The following RGS7 variants were observed in gnomAD, a reference collection of about 807,000 sequenced individuals.
The protein encoded by RGS7 is regulator of G-protein signaling 7.
A neutral mutation model predicts 81.1 loss-of-function variants in RGS7; 27 were observed. The observed-to-expected ratio is 0.33, with a 90% confidence interval of 0.25 to 0.46. The LOEUF (loss-of-function observed/expected upper bound fraction) is 0.46, where lower values mean the gene tolerates loss of function less well. Ranked by LOEUF, RGS7 falls within the 20% of genes least tolerant of loss-of-function variation. The pLI, the probability that RGS7 is intolerant of heterozygous loss-of-function variation, is 1.00. For synonymous variants in RGS7, 208 were observed against 207.7 expected (o/e 1.00, Z -0.01); for missense variants, 396 against 607.4 (o/e 0.65, Z 3.66).
chr1:241,241,183 C>A (rs1316004846), intron 2 of RGS7, among the ~76,000 whole-genome samples: 3 of 151,790 alleles, frequency 2.0e-5, no homozygotes, highest in African/African-American at 2.4e-5. Flanking sequence ...ATTTACCCAA[C>A]AGGAGCAGAA....
intron 2 of RGS7, among the ~76,000 whole-genome samples, chr1:241,196,991 T>TAAAAAAAAA (rs34557484): frequency 1.5e-5 from 2 of 132,592 alleles, no homozygotes; most frequent in Non-Finnish European, 3.2e-5. Context: ...CAAAAGAATG[T>TAAAAAAAAA]AAAAAAAAAA....
intron 2 of RGS7, among the ~76,000 whole-genome samples, chr1:241,125,427 GACACAC>G (rs59757330): frequency 0.02 from 2,927 of 149,300 alleles, 93 homozygotes; most frequent in African/African-American, 0.068. Flanking sequence ...CAAAGACATG[GACACAC>G]ACACACACAC....
At chr1:241,190,776 T>G (rs1180748366) in intron 2 of RGS7, among the ~76,000 whole-genome samples, 2 of 152,278 alleles carry the variant, frequency 1.3e-5, no homozygotes, top group East Asian at 3.9e-4. Context: ...GACTGTTTTT[T>G]TTCCTTCCTG....
At chr1:241,216,932 T>C (rs1166747650) in intron 2 of RGS7, among the ~76,000 whole-genome samples, 2 of 152,248 alleles carry the variant, frequency 1.3e-5, no homozygotes, top group Non-Finnish European at 2.9e-5. Flanking sequence ...CTCTGATAGC[T>C]ATCCCTGATT....
chr1:240,846,919 A>G (rs559949878), intron 9 of RGS7, among the ~76,000 whole-genome samples: 63 of 152,280 alleles, frequency 4.1e-4, no homozygotes, highest in African/African-American at 1.3e-3. Context: ...AGATGACCAT[A>G]GCCTTGGCCA....
intron 2 of RGS7, among the ~76,000 whole-genome samples, chr1:241,253,823 T>C (rs1411378699): frequency 6.6e-6 from 1 of 152,248 alleles, no homozygotes; most frequent in Admixed American, 6.5e-5. Context: ...TCTTCTTATT[T>C]CTGTCAAAGA....
chr1:241,295,582 G>A (rs538654874), intron 2 of RGS7, among the ~76,000 whole-genome samples: 11 of 152,162 alleles, frequency 7.2e-5, no homozygotes, highest in Non-Finnish European at 1.3e-4. Context: ...CACAGGCCAC[G>A]TCCTAAAGGC....
intron 7 of RGS7, among the ~76,000 whole-genome samples, chr1:240,869,486 G>C (rs768376992): frequency 7.2e-5 from 11 of 152,204 alleles, no homozygotes; most frequent in Non-Finnish European, 1.5e-4. Context: ...CATTTCGACA[G>C]TTAAGTCGAT....
chr1:241,191,045 G>T (rs913674644), intron 2 of RGS7, among the ~76,000 whole-genome samples: 8 of 151,678 alleles, frequency 5.3e-5, no homozygotes, highest in Non-Finnish European at 1.2e-4. Flanking sequence ...GCAGTGGTGC[G>T]ATCTTGGCTC....
At chr1:241,318,276 A>G (rs955546121) in intron 2 of RGS7, among the ~76,000 whole-genome samples, 2 of 152,342 alleles carry the variant, frequency 1.3e-5, no homozygotes, top group African/African-American at 4.8e-5. Context: ...ATAGACATCT[A>G]TAATATTTCA....
chr1:241,040,018 G>A (rs1019797625), intron 3 of RGS7, among the ~76,000 whole-genome samples: 2 of 152,130 alleles, frequency 1.3e-5, no homozygotes, highest in African/African-American at 2.4e-5. Context: ...AGTGCCCAAC[G>A]GCTGAATTTC....
intron 6 of RGS7, among the ~76,000 whole-genome samples, chr1:240,891,856 A>C (rs927999327): frequency 2.6e-5 from 4 of 152,240 alleles, no homozygotes; most frequent in African/African-American, 9.6e-5. Context: ...GTGTGAGTTA[A>C]AAGAACCACA....
intron 4 of RGS7, among the ~76,000 whole-genome samples, chr1:240,944,307 T>C (rs1164815518): frequency 7.7e-6 from 1 of 130,352 alleles, no homozygotes; most frequent in Non-Finnish European, 1.6e-5. Flanking sequence ...TATATATATA[T>C]ATATATATAT....
chr1:240,825,583 G>T (rs1319935019), intron 10 of RGS7, among the ~76,000 whole-genome samples: 4 of 152,286 alleles, frequency 2.6e-5, no homozygotes, highest in Middle Eastern at 3.4e-3. Context: ...CTGTCATTCT[G>T]TTGTTACTGA....
At chr1:241,252,323 C>A (rs2076873071) in intron 2 of RGS7, among the ~76,000 whole-genome samples, 1 of 152,090 alleles carries the variant, frequency 6.6e-6, no homozygotes, top group South Asian at 2.1e-4. Context: ...GGATTACAGG[C>A]GTGAGCCACA....
At chr1:240,972,321 A>G (rs1683334497) in intron 4 of RGS7, among the ~76,000 whole-genome samples, 1 of 151,454 alleles carries the variant, frequency 6.6e-6, no homozygotes, top group Admixed American at 6.6e-5. Flanking sequence ...GATAGACTGG[A>G]TTAAGAAAAT....
At chr1:240,812,348 G>A (rs929797759) in intron 13 of RGS7, among the ~76,000 whole-genome samples, 2 of 151,942 alleles carry the variant, frequency 1.3e-5, no homozygotes, top group East Asian at 1.9e-4. Context: ...TGAGGACAGT[G>A]AGGCACAGTA....
chr1:241,264,585 C>T (rs780071818), intron 2 of RGS7, among the ~76,000 whole-genome samples: 9 of 152,194 alleles, frequency 5.9e-5, no homozygotes, highest in Non-Finnish European at 1.0e-4. Context: ...TCATAACTAG[C>T]TATGTGACTG....
At chr1:241,193,741 A>C (rs933859527) in intron 2 of RGS7, among the ~76,000 whole-genome samples, 1 of 152,180 alleles carries the variant, frequency 6.6e-6, no homozygotes, top group Non-Finnish European at 1.5e-5. Context: ...TAAGACTGAG[A>C]CTTCTGCTAC....
Sources: gnomAD v4.1 joint callset for allele counts (sites outside exome capture counted in the v4.1 genomes callset) on GRCh38, gnomAD v4.1.1 for gene constraint, MANE v1.5 for transcripts, NCBI Gene and HGNC (gene_info 2026-07-23, HGNC 2026-07-21) for gene names.